Variants in GRK5 observed in about 807,000 individuals in gnomAD.
GRK5 encodes the protein g protein-coupled receptor kinase GRK5.
In GRK5, 40 loss-of-function variants were observed where a neutral mutation model predicts 78.4. The ratio of observed to expected loss-of-function variants is 0.51; its 90% CI spans 0.40 to 0.66. The LOEUF (loss-of-function observed/expected upper bound fraction) is 0.66, where lower values mean the gene tolerates loss of function less well. Among genes scored for constraint, GRK5 ranks in the 30% least tolerant of loss-of-function variants. GRK5 has a pLI of 0.00. For missense variants in GRK5, 598 were observed against 759.9 expected, an observed-to-expected ratio of 0.79 and a Z score of 2.50; for synonymous variants, 289 against 296.8, an observed-to-expected ratio of 0.97 and a Z score of 0.27.
intron 1 of GRK5, among the ~76,000 whole-genome samples, chr10:119,208,812 G>A (rs373246720): frequency 3.9e-4 from 59 of 152,264 alleles, no homozygotes; most frequent in African/African-American, 1.4e-3. Context: ...AGAAAAAAGG[G>A]GGGGGAGGCA....
chr10:119,413,014 G>GA (rs1369590089), intron 4 of GRK5, among the ~76,000 whole-genome samples: 1 of 152,176 alleles, frequency 6.6e-6, no homozygotes, highest in Non-Finnish European at 1.5e-5. Flanking sequence ...TACAGATGGT[G>GA]AATTCGTCTG....
At chr10:119,340,163 C>T (rs11198888) in intron 2 of GRK5, among the ~76,000 whole-genome samples, 65,045 of 151,760 alleles carry the variant, frequency 0.43, 16,586 homozygotes, top group Non-Finnish European at 0.57. Flanking sequence ...AGTCTCACTC[C>T]GTCACCCATT....
rs1853118672 is a variant in GRK5, at chr10:119,445,170, G to C, written c.1266+1418G>C. On this transcript the variant is annotated intron_variant, in intron 12 of 15. Coordinates refer to ENST00000392870, the MANE Select transcript of GRK5 (RefSeq NM_005308.3). This position sits in a 1 kb window ranked among gnomAD's most constrained non-coding sequence, Gnocchi z 4.1. ...ATCGCAGCCAGGGCTAGGGTGGGGG[G>C]ACCGGAGGAGCAGTGCAGCACTGGT... is the stretch of plus-strand genomic sequence containing the variant. 6.6e-6 allele frequency among the ~76,000 whole-genome samples: 1 copy of C among 152,220 alleles called. No homozygotes were observed. The highest frequency in any genetic ancestry group is 1.5e-5 in the Non-Finnish European group (1 of 68,036).
In GRK5 at chr10:119,453,293, T is replaced by C; in HGVS notation, c.1674+17T>C. 6.2e-7 allele frequency: 1 copy of C among 1,613,430 alleles called. No individual in the cohort carries two copies. The highest frequency in any genetic ancestry group is 8.5e-7 in the Non-Finnish European group (1 of 1,179,784). Reference sequence around the variant, plus strand: ...AAGCGGCAGGTGAGACACCCATGCCTGGCCAGTCCTGGCATCAGCTCCGAG... The same window carrying C: ...AAGCGGCAGGTGAGACACCCATGCCCGGCCAGTCCTGGCATCAGCTCCGAG... On this transcript the variant is annotated intron_variant, in intron 15 of 15. Transcript: ENST00000392870.
chr10:119,405,524 G>A (rs888649834), intron 4 of GRK5, among the ~76,000 whole-genome samples: 16 of 148,760 alleles, frequency 1.1e-4, no homozygotes, highest in African/African-American at 3.9e-4. Flanking sequence ...TGAATGAAAG[G>A]AAATAATAAC....
At chr10:119,223,880 A>G (rs953505463) in intron 1 of GRK5, among the ~76,000 whole-genome samples, 1 of 152,026 alleles carries the variant, frequency 6.6e-6, no homozygotes, top group Non-Finnish European at 1.5e-5. Flanking sequence ...GTCTGGTGCC[A>G]TGTTAACCCA....
chr10:119,257,402 G>A (rs80299830), intron 1 of GRK5, among the ~76,000 whole-genome samples: 3,229 of 152,312 alleles, frequency 0.021, 58 homozygotes, highest in Admixed American at 0.055. Context: ...CACCATCGCA[G>A]GTGGGAGGGA....
In GRK5 at chr10:119,455,245, A is replaced by G. The variant is rs1174884899; in HGVS notation, c.*178A>G. The G allele has an allele frequency of 1.4e-6, 1 of 706,842 alleles. No individual in the cohort carries two copies. Among genetic ancestry groups the G allele is most frequent in the Admixed American group, 2.0e-5 (1 of 49,988 alleles). The allele number at this position is 706,842 out of a possible 1,614,324, so 43.8% of individuals were successfully genotyped here. ...AGGTTTCTCAAAGAAATTTCCACTC[A>G]GGTCTGTTTTCCGAGGCGGCCCCGG... On this transcript the variant is annotated 3_prime_UTR_variant, in exon 16 of 16. Coordinates refer to ENST00000392870, the MANE Select transcript of GRK5 (RefSeq NM_005308.3).
chr10:119,216,956 A>T (rs60021779), intron 1 of GRK5, among the ~76,000 whole-genome samples: 4,122 of 152,212 alleles, frequency 0.027, 212 homozygotes, highest in African/African-American at 0.094. Flanking sequence ...AAAAAAAAAC[A>T]TAAAAATAAA....
chr10:119,367,927 C>A (rs1178265952), intron 2 of GRK5, among the ~76,000 whole-genome samples: 1 of 152,252 alleles, frequency 6.6e-6, no homozygotes, highest in Admixed American at 6.5e-5. Context: ...CCTCGCTAGA[C>A]CCCGGCCAGT....
intron 1 of GRK5, among the ~76,000 whole-genome samples, chr10:119,226,407 G>A (rs1048005729): frequency 2.0e-5 from 3 of 150,558 alleles, no homozygotes; most frequent in Admixed American, 6.6e-5. Flanking sequence ...TGCCTCCCAG[G>A]TTCAAGCGTG....
intron 1 of GRK5, among the ~76,000 whole-genome samples, chr10:119,265,670 A>G (rs1034591176): frequency 2.6e-5 from 4 of 152,218 alleles, no homozygotes; most frequent in African/African-American, 4.8e-5. Context: ...GCTGATCAGT[A>G]CAGTCGGAGT....
At chr10:119,362,823 G>A (rs954828228) in intron 2 of GRK5, among the ~76,000 whole-genome samples, 4 of 152,176 alleles carry the variant, frequency 2.6e-5, no homozygotes, top group Non-Finnish European at 5.9e-5. Context: ...CCCAAGCCAC[G>A]GCAAAGGAGC....
intron 9 of GRK5, among the ~76,000 whole-genome samples, chr10:119,439,458 A>G (rs894915764): frequency 6.6e-6 from 1 of 152,246 alleles, no homozygotes; most frequent in Non-Finnish European, 1.5e-5. Flanking sequence ...ATGTGTGAAC[A>G]GGGGCCATGA....
chr10:119,389,831 CACACA>C (rs1564914985), intron 3 of GRK5, among the ~76,000 whole-genome samples: 2 of 130,746 alleles, frequency 1.5e-5, no homozygotes, highest in African/African-American at 5.6e-5. Context: ...CACACACACA[CACACA>C]CCCAACACAC....
chr10:119,232,631 T>C (rs1418229839), intron 1 of GRK5, among the ~76,000 whole-genome samples: 1 of 152,130 alleles, frequency 6.6e-6, no homozygotes, highest in African/African-American at 2.4e-5. Flanking sequence ...CAAGATCTGA[T>C]GGTTATTATA....
At chr10:119,224,203 C>T (rs931444298) in intron 1 of GRK5, among the ~76,000 whole-genome samples, 1 of 152,044 alleles carries the variant, frequency 6.6e-6, no homozygotes, top group Non-Finnish European at 1.5e-5. Context: ...ATAGCCAGAA[C>T]CCTGCCCTCC....
At position 119,443,728 on chromosome 10, in the gene GRK5, G is replaced by A. The variant is rs1853086313; in HGVS notation, c.1242G>A (p.Glu414=). ...TEEVYSHKFS[E]EAKSICKMLL... Reference sequence around the variant, plus strand: ...AGGTGTACTCCCACAAGTTCTCCGAGGAGGCCAAGTCCATCTGCAAGATGG... The same window carrying A: ...AGGTGTACTCCCACAAGTTCTCCGAAGAGGCCAAGTCCATCTGCAAGATGG... Residue 414 remains glutamate (E), a synonymous_variant, in exon 12 of 16, where the codon GAG becomes GAA. Coordinates refer to ENST00000392870, the MANE Select transcript of GRK5 (RefSeq NM_005308.3). The A allele has an allele frequency of 6.2e-7, 1 of 1,606,880 alleles. No individual in the cohort carries two copies. Among genetic ancestry groups the A allele is most frequent in the African/African-American group, 1.3e-5 (1 of 74,946 alleles).
intron 10 of GRK5, among the ~76,000 whole-genome samples, chr10:119,440,543 A>T (rs1482403525): frequency 7.2e-6 from 1 of 139,158 alleles, no homozygotes; most frequent in Admixed American, 7.5e-5. Context: ...ACACCTGGCT[A>T]GTTTTTGTAT....
Sources: allele counts gnomAD v4.1 joint callset (sites outside exome capture counted in the v4.1 genomes callset), GRCh38; gene constraint gnomAD v4.1.1; non-coding constraint Gnocchi (gnomAD v3.1); transcripts MANE v1.5; gene names NCBI Gene and HGNC (gene_info 2026-07-23, HGNC 2026-07-21).